Variants in PLXNA4 observed in about 807,000 individuals in gnomAD.
PLXNA4 encodes plexin-A4.
Under a neutral mutation model 191.8 loss-of-function variants are expected in PLXNA4, and 44 were observed. The ratio of observed to expected loss-of-function variants is 0.23; its 90% confidence interval spans 0.18 to 0.29. The LOEUF is 0.29. Ranked by LOEUF, PLXNA4 falls within the 10% of genes least tolerant of loss-of-function variation. The probability of loss-of-function intolerance (pLI) is 1.00; values close to 1 mark genes in which losing one functional copy is unlikely to be tolerated. For missense variants in PLXNA4, 1,800 were observed against 2,488.8 expected (o/e 0.72, Z 5.89); for synonymous variants, 1,082 against 1,009.5 (o/e 1.07, Z -1.36).
chr7:132,472,782 A>G (rs946270336), intron 3 of PLXNA4, among the ~76,000 whole-genome samples: 1 of 152,186 alleles, frequency 6.6e-6, no homozygotes, highest in African/African-American at 2.4e-5. Context: ...AAAAGGGAGC[A>G]CCAAGACCAC....
At chr7:132,311,195 C>CGT (rs1554411090) in intron 3 of PLXNA4, among the ~76,000 whole-genome samples, 3,029 of 118,780 alleles carry the variant, frequency 0.026, 147 homozygotes, top group African/African-American at 0.093. Context: ...TGTGTGTGTG[C>CGT]GCGTGTGGCC....
intron 3 of PLXNA4, among the ~76,000 whole-genome samples, chr7:132,335,838 T>C (rs959848717): frequency 2.0e-5 from 3 of 152,234 alleles, no homozygotes; most frequent in East Asian, 3.9e-4. Context: ...GTCTGTCCTC[T>C]GTGTTGCCAC....
chr7:132,644,697 G>C (rs1269049108), intron 2 of PLXNA4, among the ~76,000 whole-genome samples: 1 of 152,232 alleles, frequency 6.6e-6, no homozygotes, highest in Non-Finnish European at 1.5e-5. Flanking sequence ...AGAGGAAGAT[G>C]ATGAAGGAAA....
At chr7:132,515,202 T>C (rs1798889391) in intron 1 of PLXNA4, among the ~76,000 whole-genome samples, 1 of 152,282 alleles carries the variant, frequency 6.6e-6, no homozygotes, top group African/African-American at 2.4e-5. Context: ...CATCTTGTAA[T>C]CACAGGGGTG....
chr7:132,212,519 C>G lies in PLXNA4; in HGVS notation c.2098-1376G>C, dbSNP rs73723744. ...TCTGGAACTCTGAGCACATCACAGC[C>G]CATTTGAAACTCAATTTCCTTATCT... On this transcript the variant is annotated intron_variant, in intron 9 of 31. Coordinates refer to ENST00000321063, the MANE Select transcript of PLXNA4 (RefSeq NM_020911.2). Among the ~76,000 whole-genome samples, 1,396 of 152,216 alleles carry G rather than the reference C, an allele frequency of 9.2e-3. 25 individuals carry two copies. The highest frequency in any genetic ancestry group is 0.032 in the African/African-American group (1,323 of 41,518).
chr7:132,476,753 A>G (rs1344512799), intron 3 of PLXNA4, among the ~76,000 whole-genome samples: 1 of 152,232 alleles, frequency 6.6e-6, no homozygotes, highest in Admixed American at 6.5e-5. Flanking sequence ...TTATTTAATT[A>G]TAGGTAAAAG....
chr7:132,326,678 G>C (rs996062793), intron 3 of PLXNA4, among the ~76,000 whole-genome samples: 5 of 152,200 alleles, frequency 3.3e-5, no homozygotes, highest in African/African-American at 1.2e-4. Flanking sequence ...CTGACTCCGA[G>C]TGCTGATGGT....
At chr7:132,574,465 G>A (rs530846435) in intron 1 of PLXNA4, among the ~76,000 whole-genome samples, 12 of 152,350 alleles carry the variant, frequency 7.9e-5, no homozygotes, top group Middle Eastern at 3.4e-3. Flanking sequence ...TCCACAGCCC[G>A]GAAGACAGAG....
chr7:132,314,096 C>T (rs1253844854), intron 3 of PLXNA4, among the ~76,000 whole-genome samples: 1 of 152,140 alleles, frequency 6.6e-6, no homozygotes, highest in Non-Finnish European at 1.5e-5. Flanking sequence ...TTGAGGAGCA[C>T]AGGAAAGACA....
intron 3 of PLXNA4, among the ~76,000 whole-genome samples, chr7:132,448,587 G>A (rs937705536): frequency 1.3e-5 from 2 of 152,200 alleles, no homozygotes; most frequent in African/African-American, 4.8e-5. Flanking sequence ...CCTCGGAAAA[G>A]CAAACTCTAA....
chr7:132,355,068 C>T (rs1453612769), intron 3 of PLXNA4, among the ~76,000 whole-genome samples: 1 of 152,160 alleles, frequency 6.6e-6, no homozygotes, highest in African/African-American at 2.4e-5. Flanking sequence ...AGCCAGATGC[C>T]CCCTCTTCCT....
intron 3 of PLXNA4, among the ~76,000 whole-genome samples, chr7:132,414,707 T>C (rs1293788503): frequency 1.3e-5 from 2 of 152,186 alleles, no homozygotes; most frequent in Non-Finnish European, 2.9e-5. Flanking sequence ...TGTGGATTCC[T>C]ATAGCCCAAC....
intron 3 of PLXNA4, among the ~76,000 whole-genome samples, chr7:132,358,488 C>T (rs190488624): frequency 2.6e-5 from 4 of 152,218 alleles, no homozygotes; most frequent in South Asian, 2.1e-4. Flanking sequence ...GAGAAGAAAA[C>T]GGAAGGAGGA....
intron 21 of PLXNA4, 99 bp downstream of exon 21, chr7:132,174,679 C>T (rs1395901682): frequency 6.5e-6 from 10 of 1,539,574 alleles, no homozygotes; most frequent in African/African-American, 1.4e-5. Context: ...GTGTCCCCTC[C>T]CTGGCCTTAG....
At chr7:132,298,596 G>A (rs1230973358) in intron 3 of PLXNA4, among the ~76,000 whole-genome samples, 2 of 152,244 alleles carry the variant, frequency 1.3e-5, no homozygotes, top group East Asian at 3.8e-4. Context: ...ACCCTGCATT[G>A]GAAAGGCAAT....
At chr7:132,489,878 G>A (rs868404338) in intron 2 of PLXNA4, among the ~76,000 whole-genome samples, 2 of 152,240 alleles carry the variant, frequency 1.3e-5, no homozygotes, top group Non-Finnish European at 2.9e-5. Context: ...AGGCACAAGA[G>A]GGATGTGGTC....
At chr7:132,287,025 CT>C (rs1800706643) in intron 4 of PLXNA4, among the ~76,000 whole-genome samples, 1 of 152,166 alleles carries the variant, frequency 6.6e-6, no homozygotes, top group Non-Finnish European at 1.5e-5. Flanking sequence ...TTCCCTGCCC[CT>C]AACAACGTTT....
At chr7:132,376,267 G>A (rs1000124701) in intron 3 of PLXNA4, among the ~76,000 whole-genome samples, 1 of 152,136 alleles carries the variant, frequency 6.6e-6, no homozygotes, top group Non-Finnish European at 1.5e-5. Context: ...ACATGCTAAG[G>A]GGAAAGCCTC....
intron 26 of PLXNA4, 40 bp downstream of exon 26, chr7:132,148,503 T>A (rs759299423): frequency 5.6e-6 from 9 of 1,612,454 alleles, no homozygotes; most frequent in Non-Finnish European, 7.6e-6. Context: ...GCAAGGGACT[T>A]GTAGTTGGCT....
Sources: allele counts gnomAD v4.1 joint callset (sites outside exome capture counted in the v4.1 genomes callset), GRCh38; gene constraint gnomAD v4.1.1; transcripts MANE v1.5; gene names NCBI Gene and HGNC (gene_info 2026-07-23, HGNC 2026-07-21).